Variants in ARHGEF33 observed in about 807,000 individuals in gnomAD.
The protein encoded by ARHGEF33 is DH and coiled-coil domain-containing protein ENSP00000381780.
Under a neutral mutation model 101.9 loss-of-function variants are expected in ARHGEF33, and 72 were observed. That is an observed-to-expected ratio of 0.71 (90% CI 0.58 to 0.86). ARHGEF33 has a LOEUF of 0.86. Ranked by LOEUF, ARHGEF33 falls within the 40% of genes least tolerant of loss-of-function variation. The pLI is 0.00. For missense variants in ARHGEF33, 1,169 were observed against 1,111.3 expected, an observed-to-expected ratio of 1.05 and a Z score of -0.74; for synonymous variants, 499 against 442.5, an observed-to-expected ratio of 1.13 and a Z score of -1.60.
At chr2:38,925,393 A>C (rs11888352) in intron 4 of ARHGEF33, among the ~76,000 whole-genome samples, 145,493 of 152,244 alleles carry the variant, frequency 0.96, 69,679 homozygotes, top group Non-Finnish European at 0.99. Flanking sequence ...GATTGAGACT[A>C]AGTCTCTTTT....
intron 4 of ARHGEF33, among the ~76,000 whole-genome samples, chr2:38,923,180 A>G (rs17023163): frequency 0.012 from 1,855 of 152,304 alleles, 33 homozygotes; most frequent in African/African-American, 0.042. Flanking sequence ...TCGCAGTGGA[A>G]CACACAAAGC....
At chr2:38,968,490 T>C (rs192707266) in intron 17 of ARHGEF33, among the ~76,000 whole-genome samples, 11 of 152,300 alleles carry the variant, frequency 7.2e-5, no homozygotes, top group African/African-American at 2.6e-4. Context: ...AGGTTTTATC[T>C]TTCTGTAGCT....
chr2:38,968,790 T>C (rs775623645), intron 17 of ARHGEF33, among the ~76,000 whole-genome samples: 4 of 152,192 alleles, frequency 2.6e-5, no homozygotes, highest in Non-Finnish European at 5.9e-5. Flanking sequence ...TTTCCTGGCT[T>C]TTTAGATCTG....
chr2:38,945,180 A>G (rs931167266), intron 10 of ARHGEF33, among the ~76,000 whole-genome samples: 2 of 152,170 alleles, frequency 1.3e-5, no homozygotes, highest in African/African-American at 4.8e-5. Flanking sequence ...CCATTGGGTA[A>G]TATACACTGG....
chr2:38,933,643 G>A (rs185988525), intron 7 of ARHGEF33, among the ~76,000 whole-genome samples: 2 of 152,304 alleles, frequency 1.3e-5, no homozygotes, highest in African/African-American at 4.8e-5. Context: ...CTCCCTTGCT[G>A]GGATTACAGG....
At chr2:38,962,437 GCAAA>G (rs1302920698) in intron 16 of ARHGEF33, among the ~76,000 whole-genome samples, 13 of 152,092 alleles carry the variant, frequency 8.5e-5, no homozygotes, top group African/African-American at 3.1e-4. Context: ...TATCTGAGAA[GCAAA>G]CAATGAGTAA....
intron 16 of ARHGEF33, 142 bp downstream of exon 16, chr2:38,960,790 A>C: frequency 3.1e-6 from 2 of 653,818 alleles, no homozygotes; most frequent in Non-Finnish European, 4.0e-6. Context: ...CGGCGGGTGG[A>C]GGCGGAGGGA....
In ARHGEF33 at chr2:38,959,785, G is replaced by A. The variant is rs757691087; in HGVS notation, c.1536-56G>A. 30 of 1,471,294 alleles carry A rather than the reference G, an allele frequency of 2.0e-5. No individual in the cohort carries two copies. In the South Asian group the frequency reaches 3.9e-4, roughly 19 times the overall value. The allele number at this position is 1,471,294 out of a possible 1,614,324, so 91.1% of individuals were successfully genotyped here. On this transcript the variant is annotated intron_variant, in intron 15 of 17. Coordinates refer to ENST00000409978, the MANE Select transcript of ARHGEF33 (RefSeq NM_001145451.5). Reference sequence around the variant, plus strand: ...CCCGAGGGGCGCCGGCAGGCGAGAGGCCTGCACTAACCGGCCGTAAGCACA... The same window carrying A: ...CCCGAGGGGCGCCGGCAGGCGAGAGACCTGCACTAACCGGCCGTAAGCACA...
rs564664363 is a variant in ARHGEF33, at chr2:38,928,391, A to AT, written c.76-508dup. 1.5e-4 allele frequency among the ~76,000 whole-genome samples: 23 copies of AT among 151,984 alleles called. No homozygotes were observed. In the South Asian group the frequency reaches 3.3e-3, roughly 22 times the overall value. On this transcript the variant is annotated intron_variant, in intron 4 of 17. Coordinates refer to ENST00000409978, the MANE Select transcript of ARHGEF33 (RefSeq NM_001145451.5). The stretch of plus-strand genomic sequence containing the variant: ...CTTTCCCATGATATCATCCAAGAGT[A>AT]TTTTTTTTAAAAAAAACCTTCTTTC...
chr2:38,908,263 T>G (rs1267903310), intron 2 of ARHGEF33, among the ~76,000 whole-genome samples: 2 of 152,164 alleles, frequency 1.3e-5, no homozygotes, highest in Admixed American at 6.5e-5. Context: ...AGAAAAGAGA[T>G]GAAGAATATC....
chr2:38,971,134 C>A (rs1008250618), intron 17 of ARHGEF33, among the ~76,000 whole-genome samples: 1 of 152,158 alleles, frequency 6.6e-6, no homozygotes, highest in African/African-American at 2.4e-5. Context: ...ATCAGAGAAC[C>A]AAGCCTTCTT....
chr2:38,937,370 C>T lies in ARHGEF33; in HGVS notation c.601C>T (p.Leu201Phe), dbSNP rs759981597. 9.8e-6 allele frequency: 14 copies of T among 1,429,958 alleles called. No individual in the cohort carries two copies. Among genetic ancestry groups the T allele is most frequent in the Admixed American group, 2.2e-5 (1 of 45,690 alleles). 88.6% of individuals were successfully genotyped at this position (1,429,958 alleles called of 1,614,324 possible). ...NPTTPEAEEN[L>F]KSCLSADIQS... Reference sequence around the variant, plus strand: ...AACAACTCCAGAAGCAGAAGAAAACCTCAAGTCTTGCCTCTCGGCTGATAT... The same window carrying T: ...AACAACTCCAGAAGCAGAAGAAAACTTCAAGTCTTGCCTCTCGGCTGATAT... The change falls in exon 9 of 18, where the codon CTC becomes TTC. Residue 201 changes from leucine to phenylalanine, a missense_variant. Physicochemically the swap from Leu to Phe is conservative, Grantham distance 22. Coordinates refer to ENST00000409978, the MANE Select transcript of ARHGEF33 (RefSeq NM_001145451.5).
rs1452540516 is a variant in ARHGEF33, at chr2:38,956,924, A to G, written c.1247A>G (p.Glu416Gly). 3 of 1,552,394 alleles carry G rather than the reference A, an allele frequency of 1.9e-6. No individual in the cohort carries two copies. The highest frequency in any genetic ancestry group is 1.7e-6 in the Non-Finnish European group (2 of 1,147,154). ...LQNVLKFTEQ[E>G]HPDYYLLLVC... ...AACGTCCTGAAGTTCACAGAGCAGG[A>G]GCACCCTGACTATTATCTACTACTG... is the stretch of plus-strand genomic sequence containing the variant. The change falls in exon 14 of 18, where the codon GAG becomes GGG. Residue 416 changes from glutamate to glycine, a missense_variant. Glu to Gly is a moderately conservative substitution (Grantham distance 98, BLOSUM62 -2). Coordinates refer to ENST00000409978, the MANE Select transcript of ARHGEF33 (RefSeq NM_001145451.5).
At chr2:38,971,844 C>A (rs1329076680) in intron 17 of ARHGEF33, 2 of 718,406 alleles carry the variant, frequency 2.8e-6, no homozygotes, top group Non-Finnish European at 5.2e-6. Context: ...GAAAACTAGA[C>A]AGGGCGATTT....
At chr2:38,941,942 G>T (rs1572762869) in intron 9 of ARHGEF33, among the ~76,000 whole-genome samples, 2 of 151,286 alleles carry the variant, frequency 1.3e-5, no homozygotes, top group South Asian at 4.2e-4. Context: ...GTAATGATGT[G>T]AGTCTTTTTT....
intron 7 of ARHGEF33, among the ~76,000 whole-genome samples, chr2:38,934,479 G>T (rs1438153526): frequency 2.3e-5 from 1 of 43,284 alleles, no homozygotes; most frequent in Non-Finnish European, 4.0e-5. Flanking sequence ...TCTTCCTCCC[G>T]CTTCTCTCCC....
chr2:38,953,605 C>G (rs149546347), intron 12 of ARHGEF33, among the ~76,000 whole-genome samples: 25 of 152,278 alleles, frequency 1.6e-4, no homozygotes, highest in Admixed American at 1.3e-3. Flanking sequence ...TTCAGTCATC[C>G]TTTGTCAGTT....
chr2:38,923,297 T>G (rs573826538), intron 4 of ARHGEF33, among the ~76,000 whole-genome samples: 2 of 151,972 alleles, frequency 1.3e-5, no homozygotes, highest in African/African-American at 4.8e-5. Flanking sequence ...CAAGCAACAT[T>G]TAACCAAAAG....
intron 17 of ARHGEF33, among the ~76,000 whole-genome samples, chr2:38,971,426 G>T (rs540976179): frequency 6.6e-6 from 1 of 152,180 alleles, no homozygotes; most frequent in Non-Finnish European, 1.5e-5. Context: ...CCTGCAGTCG[G>T]CCACGGTGGC....
Sources: allele counts gnomAD v4.1 joint callset (sites outside exome capture counted in the v4.1 genomes callset), GRCh38; gene constraint gnomAD v4.1.1; transcripts MANE v1.5; gene names NCBI Gene and HGNC (gene_info 2026-07-23, HGNC 2026-07-21).